The following PACS1 variants were observed in gnomAD, a reference collection of about 807,000 sequenced individuals.
The protein encoded by PACS1 is phosphofurin acidic cluster sorting protein 1.
Under a neutral mutation model 115.0 loss-of-function variants are expected in PACS1, and 24 were observed. That is an observed-to-expected ratio of 0.21 (90% CI 0.15 to 0.29). The LOEUF (loss-of-function observed/expected upper bound fraction) is 0.29. PACS1 is among the 10% of genes least tolerant of loss of function. PACS1 has a pLI of 1.00. For missense variants in PACS1, 838 were observed against 1,251.2 expected, an observed-to-expected ratio of 0.67 and a Z score of 4.98; for synonymous variants, 453 against 504.5, an observed-to-expected ratio of 0.90 and a Z score of 1.37.
At chr11:66,230,159 A>G (rs937623951) in intron 11 of PACS1, among the ~76,000 whole-genome samples, 2 of 151,698 alleles carry the variant, frequency 1.3e-5, no homozygotes, top group African/African-American at 2.4e-5. Context: ...AAAAAGAAAA[A>G]AAAAAAAGGA....
chr11:66,075,091 T>G (rs1292334942), intron 1 of PACS1, among the ~76,000 whole-genome samples: 1 of 151,900 alleles, frequency 6.6e-6, no homozygotes, highest in Non-Finnish European at 1.5e-5. Context: ...TACAGGCGCC[T>G]GCCACCACAC....
chr11:66,073,069 G>A (rs1022208720), intron 1 of PACS1, among the ~76,000 whole-genome samples: 2 of 152,222 alleles, frequency 1.3e-5, no homozygotes, highest in East Asian at 1.9e-4. Context: ...GTGCAGTTAC[G>A]TCACGTTTAC....
intron 2 of PACS1, among the ~76,000 whole-genome samples, chr11:66,204,031 A>C (rs1854877454): frequency 6.6e-6 from 1 of 152,184 alleles, no homozygotes; most frequent in Non-Finnish European, 1.5e-5. Context: ...TGGCAACCAA[A>C]GCAAAAATGG....
At chr11:66,072,615 A>C (rs1259129684) in intron 1 of PACS1, among the ~76,000 whole-genome samples, 3 of 152,198 alleles carry the variant, frequency 2.0e-5, no homozygotes, top group Non-Finnish European at 2.9e-5. Flanking sequence ...ACCAAGCTCA[A>C]GCGAGAGTTG....
chr11:66,092,207 T>C (rs1042986633), intron 1 of PACS1, among the ~76,000 whole-genome samples: 25 of 152,100 alleles, frequency 1.6e-4, no homozygotes, highest in African/African-American at 4.1e-4. Context: ...TTTTAATGAT[T>C]GCCATTCTAA....
chr11:66,097,529 C>T (rs1239416803), intron 1 of PACS1, among the ~76,000 whole-genome samples: 1 of 152,190 alleles, frequency 6.6e-6, no homozygotes. Flanking sequence ...TCAGATGAGA[C>T]CATAGTCTCA....
chr11:66,116,370 T>A (rs1400619779), intron 1 of PACS1, among the ~76,000 whole-genome samples: 1 of 152,234 alleles, frequency 6.6e-6, no homozygotes, highest in East Asian at 1.9e-4. Flanking sequence ...GTTCCAGTGC[T>A]CACCAAAAGC....
intron 10 of PACS1, among the ~76,000 whole-genome samples, chr11:66,222,928 G>T (rs554764487): frequency 2.1e-3 from 317 of 151,978 alleles, no homozygotes; most frequent in South Asian, 0.01. Flanking sequence ...CAATGCATGG[G>T]AAACTGCAGC....
chr11:66,131,336 C>T (rs1352374848), intron 1 of PACS1, among the ~76,000 whole-genome samples: 1 of 152,134 alleles, frequency 6.6e-6, no homozygotes. Context: ...ACTCACATTT[C>T]TCTGATTACT....
At chr11:66,096,276 G>A (rs1201109449) in intron 1 of PACS1, among the ~76,000 whole-genome samples, 2 of 140,742 alleles carry the variant, frequency 1.4e-5, no homozygotes, top group African/African-American at 5.5e-5. Context: ...GGAGTACAGT[G>A]ATGGCTCACT....
intron 1 of PACS1, among the ~76,000 whole-genome samples, chr11:66,071,934 T>C (rs1686046220): frequency 6.6e-6 from 1 of 152,216 alleles, no homozygotes; most frequent in African/African-American, 2.4e-5. Context: ...TCTGTTTCGC[T>C]CAGCTTAAGG....
chr11:66,242,578 G>A (rs902121531), intron 22 of PACS1, among the ~76,000 whole-genome samples: 10 of 152,216 alleles, frequency 6.6e-5, no homozygotes, highest in African/African-American at 9.6e-5. Context: ...TAGAGCATGC[G>A]CCTGATAGGG....
Position 66,078,137 on chromosome 11 carries a change from C to T in PACS1, c.356+7295C>T, listed in dbSNP as rs566129645. 2.4e-4 allele frequency among the ~76,000 whole-genome samples: 37 copies of T among 152,332 alleles called. No individual in the cohort carries two copies. The South Asian group carries it at 6.8e-3, about 28-fold the overall frequency. On this transcript the variant is annotated intron_variant, in intron 1 of 23. Transcript: ENST00000320580. ...TAATGATCTGTGTCCACTCTCAGAT[C>T]AACCTGGGCTCCCTTCATCCTTTCA... is the stretch of plus-strand genomic sequence containing the variant.
At chr11:66,221,498 T>C in intron 10 of PACS1, 1 of 459,810 alleles carries the variant, frequency 2.2e-6, no homozygotes, top group East Asian at 4.0e-5. Flanking sequence ...ATACAAAAAT[T>C]ACCTGGGCGT....
intron 2 of PACS1, among the ~76,000 whole-genome samples, chr11:66,208,734 T>A (rs1433975551): frequency 6.6e-6 from 1 of 151,238 alleles, no homozygotes; most frequent in Non-Finnish European, 1.5e-5. Flanking sequence ...CCCTCCAAGT[T>A]CATGGGATCA....
chr11:66,243,320 C>G lies in PACS1; in HGVS notation c.*40C>G. Reference sequence around the variant, plus strand: ...GCCACTTTCCCTCCTGGCACTGCCACCAGCCTCACCGCCTGCGGGCAGGGG... The same window carrying G: ...GCCACTTTCCCTCCTGGCACTGCCAGCAGCCTCACCGCCTGCGGGCAGGGG... On this transcript the variant is annotated 3_prime_UTR_variant, in exon 24 of 24. Coordinates refer to ENST00000320580, the MANE Select transcript of PACS1 (RefSeq NM_018026.4). The G allele has an allele frequency of 7.3e-7, 1 of 1,378,146 alleles. No homozygotes were observed. Among genetic ancestry groups the G allele is most frequent in the Non-Finnish European group, 1.0e-6 (1 of 994,152 alleles). The allele number at this position is 1,378,146 out of a possible 1,614,324, so 85.4% of individuals were successfully genotyped here.
rs1053048763 is a variant in PACS1, at chr11:66,070,888, C to T, written c.356+46C>T. The T allele has an allele frequency of 7.2e-7, 1 of 1,393,732 alleles. No individual in the cohort carries two copies. The highest frequency in any genetic ancestry group is 9.2e-7 in the Non-Finnish European group (1 of 1,083,582). The allele number at this position is 1,393,732 out of a possible 1,614,324, so 86.3% of individuals were successfully genotyped here. Reference sequence around the variant, plus strand: ...CGGGGCGCCGGGGGAGCGGGGTGGCCGCCGGGGCCCAGCCCTCCCCGCCCC... The same window carrying T: ...CGGGGCGCCGGGGGAGCGGGGTGGCTGCCGGGGCCCAGCCCTCCCCGCCCC... On this transcript the variant is annotated intron_variant, in intron 1 of 23. Transcript: ENST00000320580. This position sits in a 1 kb window ranked among gnomAD's most constrained non-coding sequence, Gnocchi z 5.9.
At chr11:66,207,305 A>G (rs997199447) in intron 2 of PACS1, among the ~76,000 whole-genome samples, 2 of 152,138 alleles carry the variant, frequency 1.3e-5, no homozygotes, top group Non-Finnish European at 2.9e-5. Context: ...CATCTCTACT[A>G]AAAATACAAA....
chr11:66,133,481 G>A (rs1275759579), intron 1 of PACS1, among the ~76,000 whole-genome samples: 1 of 152,190 alleles, frequency 6.6e-6, no homozygotes, highest in African/African-American at 2.4e-5. Context: ...GATAATGTCC[G>A]TGGTTTATAA....
Sources: allele counts gnomAD v4.1 joint callset (sites outside exome capture counted in the v4.1 genomes callset), GRCh38; gene constraint gnomAD v4.1.1; non-coding constraint Gnocchi (gnomAD v3.1); transcripts MANE v1.5; gene names NCBI Gene and HGNC (gene_info 2026-07-23, HGNC 2026-07-21).